METTL15: variants seen among roughly 807,000 people sequenced by gnomAD.
METTL15 encodes methyltransferase 15, mitochondrial 12S rRNA N4-cytidine.
In METTL15, 34 loss-of-function variants were observed where a neutral mutation model predicts 38.3. The observed-to-expected ratio is 0.89, with a 90% CI of 0.68 to 1.18. The LOEUF is 1.18. METTL15 is among the 50% of genes most tolerant of loss of function. METTL15 has a pLI of 0.00. For missense variants in METTL15, 438 were observed against 498.4 expected (o/e 0.88, Z 1.15); for synonymous variants, 162 against 170.9 (o/e 0.95, Z 0.41).
chr11:28,316,564 G>A (rs1417340238), intron 6 of METTL15, among the ~76,000 whole-genome samples: 1 of 152,148 alleles, frequency 6.6e-6, no homozygotes, highest in Non-Finnish European at 1.5e-5. Flanking sequence ...GGGACTGTTG[G>A]GAAGGCATGA....
intron 4 of METTL15, among the ~76,000 whole-genome samples, chr11:28,219,995 T>A (rs189248374): frequency 6.7e-4 from 102 of 152,320 alleles, no homozygotes; most frequent in African/African-American, 2.3e-3. Context: ...GTGGTCAATT[T>A]TGGAATAAGT....
At chr11:28,148,785 C>T (rs541136263) in intron 3 of METTL15, among the ~76,000 whole-genome samples, 1 of 151,998 alleles carries the variant, frequency 6.6e-6, no homozygotes, top group Admixed American at 6.6e-5. Context: ...TATTTGTAGT[C>T]ATGGTCTATG....
At position 28,290,367 on chromosome 11, in the gene METTL15, G is replaced by A; in HGVS notation, c.569G>A (p.Gly190Asp). Residue 190 changes from glycine (G) to aspartate (D), a missense_variant, in exon 5 of 7, where the codon GGC becomes GAC. Coordinates refer to ENST00000407364, the MANE Select transcript of METTL15 (RefSeq NM_001113528.2). ...PERGFSLRKD[G>D]PLDMRMDGGR... ...AGAGGTTTTTCCCTTCGGAAAGATG[G>A]CCCTTTGGACATGAGAATGGATGGT... The A allele has an allele frequency of 6.2e-7, 1 of 1,612,964 alleles. No individual in the cohort carries two copies. The highest frequency in any genetic ancestry group is 2.2e-5 in the East Asian group (1 of 44,866).
At chr11:28,184,723 A>AT (rs1565150000) in intron 3 of METTL15, among the ~76,000 whole-genome samples, 1 of 151,696 alleles carries the variant, frequency 6.6e-6, no homozygotes, top group East Asian at 1.9e-4. Context: ...CTATGTTAAT[A>AT]TATCACTTAA....
Position 28,198,138 on chromosome 11 carries a change from A to G in METTL15, c.271-12924A>G, listed in dbSNP as rs554501331. Among the ~76,000 whole-genome samples, 4 of 152,168 alleles carry G rather than the reference A, an allele frequency of 2.6e-5. No homozygotes were observed. In the South Asian group the frequency reaches 8.3e-4, roughly 31 times the overall value. On this transcript the variant is annotated intron_variant, in intron 3 of 6. Coordinates refer to ENST00000407364, the MANE Select transcript of METTL15 (RefSeq NM_001113528.2). ...GAATTTCTTGATAATGTAGATAAAA[A>G]CTATTTGTCTTTTAAAAAAGACGCT...
chr11:28,422,285 G>T (rs902761717), intron 5 of METTL15, among the ~76,000 whole-genome samples: 6 of 151,930 alleles, frequency 3.9e-5, no homozygotes, highest in Non-Finnish European at 8.8e-5. Flanking sequence ...TAGATTTAAT[G>T]CAATCTCTAT....
At chr11:28,327,307 A>G (rs1849668435) in intron 6 of METTL15, among the ~76,000 whole-genome samples, 1 of 152,248 alleles carries the variant, frequency 6.6e-6, no homozygotes, top group African/African-American at 2.4e-5. Flanking sequence ...AGCTTCATAG[A>G]TTAAAGTTCC....
rs1857112711 is a variant in METTL15 at position 28,307,206 on chromosome 11, AAAC to A, written c.778+10281_778+10283del. On this transcript the variant is annotated intron_variant, in intron 6 of 6. Coordinates refer to ENST00000407364, the MANE Select transcript of METTL15 (RefSeq NM_001113528.2). ...TGTGTGATAGCATATAACACACAGT[AAAC>A]AACAAGAAATATTTGCTGACTTCTT... Among the ~76,000 whole-genome samples the A allele has an allele frequency of 2.0e-5, 3 of 152,052 alleles. 1 individual carries two copies. The highest frequency in any genetic ancestry group is 3.9e-4 in the East Asian group (2 of 5,180).
intron 3 of METTL15, chr11:28,197,650 G>A: frequency 3.4e-6 from 1 of 292,974 alleles, no homozygotes; most frequent in Non-Finnish European, 7.1e-6. Flanking sequence ...AACATTTTCA[G>A]GAATATGTAA....
At chr11:28,525,210 G>C (rs886090301) in intron 6 of METTL15, among the ~76,000 whole-genome samples, 1 of 152,174 alleles carries the variant, frequency 6.6e-6, no homozygotes, top group Non-Finnish European at 1.5e-5. Flanking sequence ...AAGAGGACCT[G>C]AGCGGGTTGC....
chr11:28,267,075 G>A (rs180953447), intron 4 of METTL15, among the ~76,000 whole-genome samples: 6 of 148,902 alleles, frequency 4.0e-5, no homozygotes, highest in South Asian at 2.1e-4. Flanking sequence ...CAGGAAAATC[G>A]CTTGAACCCA....
Position 28,166,003 on chromosome 11 carries a change from G to T in METTL15, c.271-45059G>T, listed in dbSNP as rs1045370895. On this transcript the variant is annotated intron_variant, in intron 3 of 6. Coordinates refer to ENST00000407364, the MANE Select transcript of METTL15 (RefSeq NM_001113528.2). ...TTCTTTTCCATTGGTTGATGTGTCT[G>T]TTTTTATTGCCAGTACCATACTGTT... 2.6e-5 allele frequency among the ~76,000 whole-genome samples: 4 copies of T among 152,128 alleles called. No individual in the cohort carries two copies. The East Asian group carries it at 7.8e-4, about 30-fold the overall frequency.
chr11:28,293,847 G>T (rs938812082), intron 5 of METTL15, among the ~76,000 whole-genome samples: 7 of 152,012 alleles, frequency 4.6e-5, no homozygotes, highest in African/African-American at 1.2e-4. Flanking sequence ...TCATGATTTG[G>T]CTCTCTGTTT....
intron 3 of METTL15, among the ~76,000 whole-genome samples, chr11:28,173,156 G>A (rs545341889): frequency 2.0e-5 from 3 of 152,134 alleles, no homozygotes; most frequent in Non-Finnish European, 4.4e-5. Flanking sequence ...AAAAAAACTT[G>A]TAAAGATACT....
intron 6 of METTL15, among the ~76,000 whole-genome samples, chr11:28,314,063 G>A (rs1857396614): frequency 6.6e-6 from 1 of 152,076 alleles, no homozygotes; most frequent in South Asian, 2.1e-4. Context: ...ATTTGGATGT[G>A]AGTGAAAAAA....
intron 6 of METTL15, among the ~76,000 whole-genome samples, chr11:28,433,171 T>C (rs899036700): frequency 1.4e-5 from 2 of 141,706 alleles, no homozygotes; most frequent in Non-Finnish European, 3.1e-5. Context: ...TTGTTTTTTT[T>C]GTTTTTTTTT....
chr11:28,462,639 T>G (rs766809276), intron 6 of METTL15, among the ~76,000 whole-genome samples: 3 of 152,042 alleles, frequency 2.0e-5, no homozygotes, highest in Non-Finnish European at 4.4e-5. Flanking sequence ...GGCAGCCTCA[T>G]GGGATGAATT....
At chr11:28,301,901 A>AT (rs1189412225) in intron 6 of METTL15, among the ~76,000 whole-genome samples, 1 of 151,976 alleles carries the variant, frequency 6.6e-6, no homozygotes, top group Non-Finnish European at 1.5e-5. Flanking sequence ...ATTTTTTAGA[A>AT]TTTTTTATTA....
At chr11:28,527,286 T>G (rs1184925982), downstream of METTL15, among the ~76,000 whole-genome samples, 1 of 152,222 alleles carries the variant, frequency 6.6e-6, no homozygotes, top group Non-Finnish European at 1.5e-5. Flanking sequence ...ATAAGGCACA[T>G]TGGGTAAAGA....
Sources: allele counts gnomAD v4.1 joint callset (sites outside exome capture counted in the v4.1 genomes callset), GRCh38; gene constraint gnomAD v4.1.1; transcripts MANE v1.5; gene names NCBI Gene and HGNC (gene_info 2026-07-23, HGNC 2026-07-21).